The following DLGAP2 variants were observed in gnomAD, a reference collection of about 807,000 sequenced individuals.
The protein encoded by DLGAP2 is DLG associated protein 2.
DLGAP2 carries 26 observed loss-of-function variants against 100.3 expected under a neutral mutation model. The observed-to-expected ratio is 0.26, with a 90% CI of 0.19 to 0.36. DLGAP2 has a LOEUF of 0.36. Among genes scored for constraint, DLGAP2 ranks in the 10% least tolerant of loss-of-function variants. DLGAP2 has a pLI of 1.00. For missense variants in DLGAP2, 1,858 were observed against 1,453.2 expected, an observed-to-expected ratio of 1.28 and a Z score of -4.53; for synonymous variants, 886 against 630.1, an observed-to-expected ratio of 1.41 and a Z score of -6.08.
At chr8:802,810 G>A (rs1796198115) in intron 1 of DLGAP2, among the ~76,000 whole-genome samples, 1 of 152,146 alleles carries the variant, frequency 6.6e-6, no homozygotes, top group Non-Finnish European at 1.5e-5. Flanking sequence ...TCACCCCTGG[G>A]GCTGATGTGG....
intron 3 of DLGAP2, among the ~76,000 whole-genome samples, chr8:1,452,087 G>T (rs559070274): frequency 6.6e-6 from 1 of 152,390 alleles, no homozygotes; most frequent in East Asian, 1.9e-4. Flanking sequence ...TTGCCACTGG[G>T]CATGGTTGTA....
In DLGAP2 at chr8:1,682,337, G is replaced by A. The variant is rs189557141; in HGVS notation, c.2704+3708G>A. On this transcript the variant is annotated intron_variant, in intron 12 of 14. Transcript: ENST00000637795. ...GCTTTAGTGCTGAGGCCCTGTCATG[G>A]TAAGTCCTGGTTTTCTGTCACTGGA... Among the ~76,000 whole-genome samples the A allele has an allele frequency of 3.3e-4, 50 of 152,300 alleles. No homozygotes were observed. In the East Asian group the frequency reaches 9.4e-3, roughly 29 times the overall value.
intron 1 of DLGAP2, among the ~76,000 whole-genome samples, chr8:893,308 A>G (rs1445242151): frequency 6.6e-6 from 1 of 152,222 alleles, no homozygotes; most frequent in Admixed American, 6.5e-5. Context: ...ACAGCTAGGA[A>G]GGCAGGCACG....
intron 1 of DLGAP2, among the ~76,000 whole-genome samples, chr8:811,763 C>T (rs909235705): frequency 3.9e-5 from 6 of 152,196 alleles, no homozygotes; most frequent in South Asian, 2.1e-4. Context: ...GCCAGGGCTC[C>T]TGCCGTGGTG....
intron 3 of DLGAP2, among the ~76,000 whole-genome samples, chr8:1,339,449 G>A (rs574289801): frequency 3.3e-5 from 5 of 152,292 alleles, no homozygotes; most frequent in East Asian, 1.9e-4. Flanking sequence ...GGACAGCCTC[G>A]GGAGCCTGGA....
chr8:922,855 TGCAG>T (rs1277222446), intron 2 of DLGAP2, among the ~76,000 whole-genome samples: 1 of 152,216 alleles, frequency 6.6e-6, no homozygotes, highest in East Asian at 1.9e-4. Context: ...GGGGTTAATG[TGCAG>T]GCATCTTAAG....
chr8:1,608,042 C>T (rs1796869764), intron 6 of DLGAP2, among the ~76,000 whole-genome samples: 1 of 92,516 alleles, frequency 1.1e-5, no homozygotes, highest in Non-Finnish European at 2.2e-5. Flanking sequence ...CCCACCACAG[C>T]TCAAGGAGGC....
chr8:1,661,666 C>G (rs554279004), intron 8 of DLGAP2, among the ~76,000 whole-genome samples: 25 of 152,228 alleles, frequency 1.6e-4, no homozygotes, highest in African/African-American at 6.0e-4. Flanking sequence ...GGTCTTTGGT[C>G]TCATTGTCTA....
In DLGAP2 at chr8:1,703,696, A is replaced by G. The variant is rs564442180; in HGVS notation, c.*2290A>G. The G allele has an allele frequency of 6.6e-6, 1 of 152,356 alleles. No individual in the cohort carries two copies. The highest frequency in any genetic ancestry group is 2.4e-5 in the African/African-American group (1 of 41,582). 9.4% of individuals were successfully genotyped at this position (152,356 alleles called of 1,614,324 possible). On this transcript the variant is annotated 3_prime_UTR_variant, in exon 15 of 15. Transcript: ENST00000637795. ...AAAGCAAACTGTTAAAGTAGTCAATAATTATTTGTCTCAGATCCCAGATTC... is the reference window on the plus strand; with the variant it reads ...AAAGCAAACTGTTAAAGTAGTCAATGATTATTTGTCTCAGATCCCAGATTC...
chr8:988,171 A>G (rs1465082106), intron 2 of DLGAP2, among the ~76,000 whole-genome samples: 1 of 152,202 alleles, frequency 6.6e-6, no homozygotes, highest in African/African-American at 2.4e-5. Context: ...TTTATGTGGA[A>G]TGTATTTTCT....
intron 3 of DLGAP2, among the ~76,000 whole-genome samples, chr8:1,299,403 G>C (rs941281030): frequency 6.6e-6 from 1 of 152,194 alleles, no homozygotes; most frequent in African/African-American, 2.4e-5. Context: ...TTCACATGTG[G>C]ATCTCATCTA....
chr8:779,725 C>G (rs376626411), intron 1 of DLGAP2, among the ~76,000 whole-genome samples: 12 of 152,160 alleles, frequency 7.9e-5, no homozygotes, highest in African/African-American at 2.9e-4. Context: ...TCTTTGCCTT[C>G]TCTCAAGCAG....
chr8:1,632,324 T>G (rs1428974469), intron 7 of DLGAP2, among the ~76,000 whole-genome samples: 1 of 152,170 alleles, frequency 6.6e-6, no homozygotes, highest in Non-Finnish European at 1.5e-5. Flanking sequence ...TGAGTTGCCA[T>G]GGCAATGGGT....
chr8:1,547,131 C>T (rs1801569692), intron 4 of DLGAP2, among the ~76,000 whole-genome samples: 1 of 152,086 alleles, frequency 6.6e-6, no homozygotes, highest in South Asian at 2.1e-4. Flanking sequence ...GCCGGGTGTG[C>T]TTAAGGCTCA....
At chr8:1,105,800 C>T (rs1804741440) in intron 2 of DLGAP2, among the ~76,000 whole-genome samples, 3 of 149,060 alleles carry the variant, frequency 2.0e-5, no homozygotes, top group South Asian at 2.1e-4. Flanking sequence ...TGAGAGGAGC[C>T]ATTCTAGGAG....
rs1278552736 is a variant in DLGAP2, at chr8:1,170,524, T to A, written c.74-88327T>A. 4.6e-5 allele frequency among the ~76,000 whole-genome samples: 7 copies of A among 151,078 alleles called. No homozygotes were observed. In the East Asian group the frequency reaches 1.4e-3, roughly 29 times the overall value. The stretch of plus-strand genomic sequence containing the variant: ...AATCCATCTGGTCCTGGACTCTTTT[T>A]GGTTGGTAAGCTATTGATTATTGCC... On this transcript the variant is annotated intron_variant, in intron 2 of 14. Transcript: ENST00000637795.
intron 6 of DLGAP2, among the ~76,000 whole-genome samples, chr8:1,587,675 T>G (rs1397253873): frequency 6.6e-6 from 1 of 152,166 alleles, no homozygotes. Context: ...AGAGATAGGG[T>G]TACTATTAAA....
intron 6 of DLGAP2, among the ~76,000 whole-genome samples, chr8:1,617,779 G>A (rs755019480): frequency 6.6e-5 from 10 of 152,220 alleles, no homozygotes; most frequent in East Asian, 1.9e-4. Flanking sequence ...AAATATTAAC[G>A]CTATGCATTA....
chr8:1,414,721 G>T (rs1166537122), intron 3 of DLGAP2, among the ~76,000 whole-genome samples: 1 of 152,186 alleles, frequency 6.6e-6, no homozygotes, highest in South Asian at 2.1e-4. Flanking sequence ...AAATAATCAG[G>T]TGTCTGGCTG....
Sources: allele counts gnomAD v4.1 joint callset (sites outside exome capture counted in the v4.1 genomes callset), GRCh38; gene constraint gnomAD v4.1.1; transcripts MANE v1.5; gene names NCBI Gene and HGNC (gene_info 2026-07-23, HGNC 2026-07-21).